Variants in AGR3 observed in about 807,000 individuals in gnomAD.
The protein encoded by AGR3 is anterior gradient protein 3.
A neutral mutation model predicts 24.5 loss-of-function variants in AGR3; 37 were observed. That is an observed-to-expected ratio of 1.51 (90% CI 1.16 to 1.99). The LOEUF (loss-of-function observed/expected upper bound fraction) is 1.99, where lower values mean the gene tolerates loss of function less well. Among genes scored for constraint, AGR3 ranks in the 30% most tolerant of loss-of-function variants. The pLI is 0.00. For synonymous variants in AGR3, 75 were observed against 61.6 expected, an observed-to-expected ratio of 1.22 and a Z score of -1.02; for missense variants, 228 against 191.1, an observed-to-expected ratio of 1.19 and a Z score of -1.14.
intron 6 of AGR3, among the ~76,000 whole-genome samples, chr7:16,860,916 T>A (rs778819360): frequency 5.9e-5 from 9 of 152,240 alleles, no homozygotes; most frequent in Non-Finnish European, 1.2e-4. Context: ...GGTTTTCTGT[T>A]TCTGTGTTCA....
chr7:16,856,662 A>G (rs1247145430), downstream of AGR3, among the ~76,000 whole-genome samples: 1 of 152,220 alleles, frequency 6.6e-6, no homozygotes, highest in African/African-American at 2.4e-5. Flanking sequence ...CCTGCATTAA[A>G]ATGCTTTGCA....
intron 3 of AGR3, among the ~76,000 whole-genome samples, chr7:16,866,658 G>C (rs1056631024): frequency 6.6e-6 from 1 of 152,102 alleles, no homozygotes; most frequent in Non-Finnish European, 1.5e-5. Flanking sequence ...CAGGTGAAAA[G>C]AGGGAAACGA....
At position 16,859,577 on chromosome 7, in the gene AGR3, A is replaced by C. The variant is rs374042324; in HGVS notation, c.*5T>G. ...TTTGAAGTGAAGGCTTTTTTCCATC[A>C]TCTCTTATAGCTCTGACTGAATAAG... is the stretch of plus-strand genomic sequence containing the variant. On this transcript the variant is annotated 3_prime_UTR_variant, in exon 8 of 8. Transcript: ENST00000310398. 5 of 1,548,058 alleles carry C rather than the reference A, an allele frequency of 3.2e-6. No individual in the cohort carries two copies. The highest frequency in any genetic ancestry group is 4.4e-6 in the Non-Finnish European group (5 of 1,138,480).
At chr7:16,876,175 T>A (rs1022088442) in intron 2 of AGR3, among the ~76,000 whole-genome samples, 1 of 152,186 alleles carries the variant, frequency 6.6e-6, no homozygotes, top group Admixed American at 6.5e-5. Context: ...ATTATAATGA[T>A]TTTTTATTTA....
rs1444351081 is a variant in AGR3, at chr7:16,864,925, A to G, written c.174-2263T>C. 5.3e-6 allele frequency: 5 copies of G among 939,968 alleles called. No homozygotes were observed. The African/African-American group carries it at 6.4e-5, about 12-fold the overall frequency. The allele number at this position is 939,968 out of a possible 1,614,324, so 58.2% of individuals were successfully genotyped here. A position where few individuals can be genotyped will look rare whatever the true frequency, so the allele number is the denominator to read the frequency against. On this transcript the variant is annotated intron_variant, in intron 3 of 7. Coordinates refer to ENST00000310398, the MANE Select transcript of AGR3 (RefSeq NM_176813.5). The stretch of plus-strand genomic sequence containing the variant: ...GGCTCTCACAATATCATCAATTTCC[A>G]TGAAGAAGTCTATGTAGTTTTGGTG...
chr7:16,881,667 A>C (rs2115322335), intron 1 of AGR3, among the ~76,000 whole-genome samples: 1 of 152,344 alleles, frequency 6.6e-6, no homozygotes, highest in African/African-American at 2.4e-5. Context: ...ACAAGACTTA[A>C]AAGAATATAA....
intron 1 of AGR3, among the ~76,000 whole-genome samples, chr7:16,879,440 T>C (rs146088673): frequency 1.1e-3 from 170 of 152,352 alleles, no homozygotes; most frequent in African/African-American, 3.9e-3. Flanking sequence ...CATAAACCAC[T>C]TGATAAATAT....
intron 3 of AGR3, chr7:16,865,317 C>G: frequency 8.6e-7 from 1 of 1,168,852 alleles, no homozygotes; most frequent in Non-Finnish European, 1.3e-6. Context: ...TCTCATATCA[C>G]CAGAACATCC....
chr7:16,861,927 G>A (rs1257528476), intron 5 of AGR3, 57 bp downstream of exon 5: 5 of 1,380,126 alleles, frequency 3.6e-6, no homozygotes, highest in African/African-American at 1.5e-5. Context: ...AGAAAAAAAC[G>A]GATTCAAAAT....
At chr7:16,872,098 A>T (rs368508755) in intron 3 of AGR3, among the ~76,000 whole-genome samples, 1 of 936 alleles carries the variant, frequency 1.1e-3, no homozygotes, top group East Asian at 0.045. Flanking sequence ...AAACAGAAAG[A>T]AAAAAATCTT....
downstream of AGR3, among the ~76,000 whole-genome samples, chr7:16,854,820 C>A (rs1202825679): frequency 6.6e-6 from 1 of 152,098 alleles, no homozygotes; most frequent in Non-Finnish European, 1.5e-5. Context: ...TTGCTGACAA[C>A]CTTGAGCATT....
chr7:16,869,365 T>C (rs773410185), intron 3 of AGR3, among the ~76,000 whole-genome samples: 1 of 152,204 alleles, frequency 6.6e-6, no homozygotes, highest in African/African-American at 2.4e-5. Flanking sequence ...TTTGTTTTGT[T>C]TTGTTTTGTT....
intron 3 of AGR3, among the ~76,000 whole-genome samples, chr7:16,873,176 A>T (rs1283919459): frequency 6.6e-6 from 1 of 152,208 alleles, no homozygotes; most frequent in East Asian, 1.9e-4. Flanking sequence ...ACAATAGCCA[A>T]GATATAGAAT....
chr7:16,860,809 C>G (rs1781626409), intron 6 of AGR3, among the ~76,000 whole-genome samples: 1 of 152,142 alleles, frequency 6.6e-6, no homozygotes, highest in African/African-American at 2.4e-5. Flanking sequence ...TCCCTCCTTC[C>G]CCCGTTTTGG....
At chr7:16,877,879 AG>A (rs1285965651) in intron 2 of AGR3, among the ~76,000 whole-genome samples, 4 of 148,582 alleles carry the variant, frequency 2.7e-5, no homozygotes, top group South Asian at 2.1e-4. Flanking sequence ...AAAAAAAAAG[AG>A]AGAATTTTTT....
intron 2 of AGR3, among the ~76,000 whole-genome samples, chr7:16,874,678 C>T (rs1007984793): frequency 2.6e-5 from 4 of 152,108 alleles, no homozygotes; most frequent in African/African-American, 9.7e-5. Flanking sequence ...TGTCAGACCA[C>T]AGTTTCTGGC....
intron 2 of AGR3, among the ~76,000 whole-genome samples, chr7:16,874,358 T>C (rs1432498422): frequency 6.6e-6 from 1 of 152,120 alleles, no homozygotes; most frequent in Non-Finnish European, 1.5e-5. Context: ...GTGTGGGAAT[T>C]TCATGGCCAA....
rs1562552718 is a variant in AGR3, at chr7:16,878,522, T to G, written c.97A>C (p.Thr33Pro). 6.2e-7 allele frequency: 1 copy of G among 1,613,622 alleles called. No individual in the cohort carries two copies. The highest frequency in any genetic ancestry group is 8.5e-7 in the Non-Finnish European group (1 of 1,179,664). Residue 33 changes from threonine (T) to proline (P), a missense_variant, in exon 2 of 8, where the codon ACA becomes CCA. Transcript: ENST00000310398. ...AIKKEKRPPQ[T>P]LSRGWGDDIT... ...GAGATTACAGCACCTCTTGAGAGTG[T>G]CTGAGGAGGCCTCTTTTCCTTTTTT...
intron 1 of AGR3, among the ~76,000 whole-genome samples, chr7:16,880,491 T>TCCCCTCCTTC: frequency 1.9e-5 from 1 of 52,738 alleles, no homozygotes; most frequent in Non-Finnish European, 4.6e-5. Flanking sequence ...TCCCCTCCTT[T>TCCCCTCCTTC]CCCCTCCTTT....
Sources: allele counts gnomAD v4.1 joint callset (sites outside exome capture counted in the v4.1 genomes callset), GRCh38; gene constraint gnomAD v4.1.1; transcripts MANE v1.5; gene names NCBI Gene and HGNC (gene_info 2026-07-23, HGNC 2026-07-21).